ST3GAL3: variants seen among roughly 807,000 people sequenced by gnomAD.
ST3GAL3 encodes the protein ST3 beta-galactoside alpha-2,3-sialyltransferase 3, also known as CMP-N-acetylneuraminate-beta-1,4-galactoside alpha-2,3-sialyltransferase.
Under a neutral mutation model 50.1 loss-of-function variants are expected in ST3GAL3, and 21 were observed. The observed-to-expected ratio is 0.42, with a 90% CI of 0.30 to 0.60. ST3GAL3 has a LOEUF of 0.60. Ranked by LOEUF, ST3GAL3 falls within the 20% of genes least tolerant of loss-of-function variation. The pLI, the probability that ST3GAL3 is intolerant of heterozygous loss-of-function variation, is 0.19. For missense variants in ST3GAL3, 353 were observed against 489.4 expected, an observed-to-expected ratio of 0.72 and a Z score of 2.63; for synonymous variants, 183 against 190.0, an observed-to-expected ratio of 0.96 and a Z score of 0.30.
intron 2 of ST3GAL3, chr1:43,771,998 A>G (rs893765386): frequency 2.5e-6 from 1 of 396,616 alleles, no homozygotes; most frequent in Admixed American, 4.4e-5. Flanking sequence ...AAGTCAACTG[A>G]CTTGAAACTG....
rs145207714 is a variant in ST3GAL3 at position 43,735,136 on chromosome 1, G to T, written c.-30-1097G>T. ...AGGCTCAGTCAGAAACCGCTAGGCT[G>T]TAAGGAGCAATTACTTTATTCAGAG... On this transcript the variant is annotated intron_variant, in intron 1 of 11. Coordinates refer to ENST00000347631, the MANE Select transcript of ST3GAL3 (RefSeq NM_006279.5). Among the ~76,000 whole-genome samples, 584 of 152,308 alleles carry T rather than the reference G, an allele frequency of 3.8e-3. 5 individuals are homozygous for T. Among genetic ancestry groups the T allele is most frequent in the African/African-American group, 0.013 (552 of 41,558 alleles).
At chr1:43,871,678 T>G (rs1570314249) in intron 5 of ST3GAL3, among the ~76,000 whole-genome samples, 1 of 42,054 alleles carries the variant, frequency 2.4e-5, no homozygotes, top group Non-Finnish European at 4.5e-5. Context: ...AGATGGGGTG[T>G]GAGGGAGAGG....
chr1:43,904,906 C>G (rs62653124), intron 9 of ST3GAL3, among the ~76,000 whole-genome samples: 16 of 33,832 alleles, frequency 4.7e-4, no homozygotes, highest in South Asian at 1.0e-3. Flanking sequence ...TCCCCCTCCT[C>G]CTGCTCCTCT....
chr1:43,786,447 T>C (rs979671239), intron 2 of ST3GAL3, among the ~76,000 whole-genome samples: 1 of 152,186 alleles, frequency 6.6e-6, no homozygotes. Context: ...TGCGCTTGCT[T>C]TTCCTTCCGC....
At chr1:43,736,769 A>G (rs536136175) in intron 2 of ST3GAL3, 1 of 322,972 alleles carries the variant, frequency 3.1e-6, no homozygotes, top group South Asian at 2.7e-5. Flanking sequence ...ATCTGCCCTT[A>G]AAACATTCAT....
chr1:43,774,156 G>T (rs917208984), intron 2 of ST3GAL3, among the ~76,000 whole-genome samples: 3 of 152,204 alleles, frequency 2.0e-5, no homozygotes, highest in African/African-American at 7.2e-5. Flanking sequence ...ACTTGGGGGG[G>T]CAATTGGGTA....
intron 5 of ST3GAL3, among the ~76,000 whole-genome samples, chr1:43,888,494 TAAAC>T (rs890909091): frequency 1.1e-4 from 16 of 151,294 alleles, no homozygotes; most frequent in African/African-American, 2.7e-4. Flanking sequence ...AGTAAATAAA[TAAAC>T]AAACAAACAA....
chr1:43,780,198 G>T (rs188026324), intron 2 of ST3GAL3, among the ~76,000 whole-genome samples: 1 of 152,108 alleles, frequency 6.6e-6, no homozygotes, highest in Non-Finnish European at 1.5e-5. Context: ...GTCTTGCTGC[G>T]TATAGAATTC....
At chr1:43,867,154 C>T (rs967456221) in intron 5 of ST3GAL3, among the ~76,000 whole-genome samples, 2 of 152,120 alleles carry the variant, frequency 1.3e-5, no homozygotes, top group African/African-American at 4.8e-5. Flanking sequence ...CATCAGATCT[C>T]GTGAGACTCA....
intron 5 of ST3GAL3, among the ~76,000 whole-genome samples, chr1:43,846,524 G>A (rs916089357): frequency 3.3e-5 from 5 of 152,188 alleles, no homozygotes; most frequent in African/African-American, 4.8e-5. Context: ...GTGGGAAGGA[G>A]CATGTTTATA....
intron 9 of ST3GAL3, among the ~76,000 whole-genome samples, chr1:43,910,015 G>T (rs1205933291): frequency 6.6e-6 from 1 of 152,150 alleles, no homozygotes; most frequent in Admixed American, 6.5e-5. Flanking sequence ...TTGTATCAAA[G>T]GCTACTGGTC....
At chr1:43,847,490 A>G (rs992657973) in intron 5 of ST3GAL3, among the ~76,000 whole-genome samples, 1 of 152,254 alleles carries the variant, frequency 6.6e-6, no homozygotes, top group African/African-American at 2.4e-5. Flanking sequence ...TACAACATGA[A>G]TGAACCTCGA....
At chr1:43,908,052 T>C (rs890905279) in intron 9 of ST3GAL3, among the ~76,000 whole-genome samples, 1 of 152,194 alleles carries the variant, frequency 6.6e-6, no homozygotes, top group Non-Finnish European at 1.5e-5. Flanking sequence ...CCAGTGAGCA[T>C]TTACTGTGTA....
intron 2 of ST3GAL3, among the ~76,000 whole-genome samples, chr1:43,774,667 A>G (rs1326484673): frequency 6.6e-6 from 1 of 152,210 alleles, no homozygotes; most frequent in Non-Finnish European, 1.5e-5. Context: ...AGTTCTGTGT[A>G]GAATTTGGTC....
intron 1 of ST3GAL3, among the ~76,000 whole-genome samples, chr1:43,722,660 A>C (rs1007363311): frequency 1.3e-5 from 2 of 152,128 alleles, no homozygotes; most frequent in Admixed American, 6.6e-5. Context: ...TTAGGGATAA[A>C]ATTTGTAGGA....
chr1:43,898,117 T>C, intron 6 of ST3GAL3, 118 bp from the exon 7 acceptor site: 1 of 1,082,854 alleles, frequency 9.2e-7, no homozygotes, highest in Non-Finnish European at 1.4e-6. Context: ...CAGAGCTCTC[T>C]CCACTTCCAC....
chr1:43,753,182 A>G (rs1241248806), intron 2 of ST3GAL3, among the ~76,000 whole-genome samples: 3 of 152,222 alleles, frequency 2.0e-5, no homozygotes, highest in Admixed American at 6.5e-5. Context: ...AACAGAGTAT[A>G]TTCCAGAGAA....
At chr1:43,729,664 G>A (rs1475649391) in intron 1 of ST3GAL3, among the ~76,000 whole-genome samples, 3 of 152,172 alleles carry the variant, frequency 2.0e-5, no homozygotes, top group Non-Finnish European at 2.9e-5. Flanking sequence ...GAAAGGAAGG[G>A]ATAGAGGGAC....
At chr1:43,744,427 G>A (rs953814318) in intron 2 of ST3GAL3, among the ~76,000 whole-genome samples, 1 of 151,840 alleles carries the variant, frequency 6.6e-6, no homozygotes, top group Non-Finnish European at 1.5e-5. Flanking sequence ...TTTTTGTAGA[G>A]ACGGGATGTC....
Sources: gnomAD v4.1 joint callset for allele counts (sites outside exome capture counted in the v4.1 genomes callset) on GRCh38, gnomAD v4.1.1 for gene constraint, MANE v1.5 for transcripts, NCBI Gene and HGNC (gene_info 2026-07-23, HGNC 2026-07-21) for gene names.